The following FCER1G variants were observed in gnomAD, a reference collection of about 807,000 sequenced individuals.
FCER1G encodes the protein Fc epsilon receptor Ig, also known as high affinity immunoglobulin epsilon receptor subunit gamma.
Under a neutral mutation model 17.3 loss-of-function variants are expected in FCER1G, and 7 were observed. That is an observed-to-expected ratio of 0.40 (90% CI 0.23 to 0.76). The LOEUF (loss-of-function observed/expected upper bound fraction) is 0.76, where lower values mean the gene tolerates loss of function less well. Among genes scored for constraint, FCER1G ranks in the 30% least tolerant of loss-of-function variants. FCER1G has a pLI of 0.35. For missense variants in FCER1G, 87 were observed against 97.7 expected (o/e 0.89, Z 0.46); for synonymous variants, 35 against 38.7 (o/e 0.90, Z 0.35).
chr1:161,218,158 A>C, intron 2 of FCER1G, 81 bp downstream of exon 2: 1 of 1,537,498 alleles, frequency 6.5e-7, no homozygotes, highest in Non-Finnish European at 9.0e-7. Context: ...AGAAGGAATA[A>C]AAGGGGATCC....
At chr1:161,217,434 A>G (rs1206538436) in intron 1 of FCER1G, among the ~76,000 whole-genome samples, 1 of 139,346 alleles carries the variant, frequency 7.2e-6, no homozygotes, top group Non-Finnish European at 1.5e-5. Flanking sequence ...TTGTGGTGGG[A>G]CAGAAAGCAA....
chr1:161,215,470 C>G, intron 1 of FCER1G, 100 bp downstream of exon 1: 1 of 1,082,290 alleles, frequency 9.2e-7, no homozygotes, highest in Non-Finnish European at 1.4e-6. Flanking sequence ...GGAAGGCTGA[C>G]AGTGGGTAGG....
chr1:161,215,992 T>G (rs887267457), intron 1 of FCER1G, among the ~76,000 whole-genome samples: 7 of 152,124 alleles, frequency 4.6e-5, no homozygotes, highest in Non-Finnish European at 1.0e-4. Flanking sequence ...CCCAAAGTGC[T>G]ACTGTGCCTG....
At chr1:161,215,739 C>A (rs1202739232) in intron 1 of FCER1G, among the ~76,000 whole-genome samples, 1 of 151,996 alleles carries the variant, frequency 6.6e-6, no homozygotes, top group Non-Finnish European at 1.5e-5. Context: ...ACTACAGGTG[C>A]CCGCCACCAC....
chr1:161,218,285 C>T lies in FCER1G; in HGVS notation c.177+9C>T, dbSNP rs750034496. 1 of 1,611,246 alleles carries T rather than the reference C, an allele frequency of 6.2e-7. No individual in the cohort carries two copies. The highest frequency in any genetic ancestry group is 8.5e-7 in the Non-Finnish European group (1 of 1,177,426). On this transcript the variant is annotated intron_variant, in intron 3 of 4. Coordinates refer to ENST00000289902, the MANE Select transcript of FCER1G (RefSeq NM_004106.2). Reference sequence around the variant, plus strand: ...CTATAACCAGCTATGAGGTATGGACCCTCCTACACCTGGTGTGGACAACTT... The same window carrying T: ...CTATAACCAGCTATGAGGTATGGACTCTCCTACACCTGGTGTGGACAACTT...
intron 3 of FCER1G, 123 bp downstream of exon 3, chr1:161,218,399 C>A: frequency 2.5e-6 from 2 of 809,948 alleles, no homozygotes; most frequent in Non-Finnish European, 4.3e-6. Flanking sequence ...GCATACACCT[C>A]AGAGGCCTCC....
At chr1:161,215,657 A>G (rs570892144) in intron 1 of FCER1G, among the ~76,000 whole-genome samples, 3 of 152,108 alleles carry the variant, frequency 2.0e-5, no homozygotes, top group Admixed American at 2.0e-4. Flanking sequence ...CAGTGGCGCA[A>G]TCTCTACTCA....
chr1:161,217,123 T>C (rs1666068174), intron 1 of FCER1G, among the ~76,000 whole-genome samples: 1 of 152,098 alleles, frequency 6.6e-6, no homozygotes, highest in East Asian at 1.9e-4. Context: ...TGTTGCAGAA[T>C]AAAAAGTACT....
Position 161,218,707 on chromosome 1 carries a change from C to T in FCER1G, c.182C>T (p.Ser61Leu). The change falls in exon 4 of 5, where the codon TCA becomes TTA. Residue 61 changes from serine to leucine, a missense_variant. By Grantham distance (145) the Ser-to-Leu change is moderately radical (BLOSUM62 -2). Coordinates refer to ENST00000289902, the MANE Select transcript of FCER1G (RefSeq NM_004106.2). Reference protein sequence around the residue: ...RKAAITSYEKSDGVYTGLSTR... With the variant: ...RKAAITSYEKLDGVYTGLSTR... ...TTGCTTCTTTTGTCTCTGCAGAAATCAGATGGTGTTTACACGGTAAGTGTG... is the reference window on the plus strand; with the variant it reads ...TTGCTTCTTTTGTCTCTGCAGAAATTAGATGGTGTTTACACGGTAAGTGTG... The T allele has an allele frequency of 6.2e-7, 1 of 1,614,034 alleles. No homozygotes were observed. Among genetic ancestry groups the T allele is most frequent in the Non-Finnish European group, 8.5e-7 (1 of 1,179,966 alleles).
chr1:161,218,803 G>T, intron 4 of FCER1G, 78 bp from the exon 5 acceptor site: 3 of 1,586,422 alleles, frequency 1.9e-6, no homozygotes, highest in Non-Finnish European at 2.6e-6. Context: ...GGCCGGTGGG[G>T]GGAGGGGGGT....
At position 161,217,986 on chromosome 1, in the gene FCER1G, C is replaced by T. The variant is rs1457965574; in HGVS notation, c.50C>T (p.Ala17Val). 6.2e-6 allele frequency: 10 copies of T among 1,609,780 alleles called. No homozygotes were observed. Among genetic ancestry groups the T allele is most frequent in the African/African-American group, 1.3e-5 (1 of 74,822 alleles). Reference sequence around the variant, plus strand: ...CCATGGGCATCCTCTATCCCCTCAGCGGCCCTGGGAGAGCCTCAGCTCTGC... The same window carrying T: ...CCATGGGCATCCTCTATCCCCTCAGTGGCCCTGGGAGAGCCTCAGCTCTGC... Reference protein sequence around the residue: ...LLLLLLVEQAAALGEPQLCYI... With the variant: ...LLLLLLVEQAVALGEPQLCYI... Residue 17 changes from alanine (A) to valine (V), a missense_variant and splice_region_variant, in exon 2 of 5, where the codon GCG becomes GTG. By Grantham distance (64) the Ala-to-Val change is moderately conservative. Transcript: ENST00000289902.
At chr1:161,218,455 G>A (rs1666094594) in intron 3 of FCER1G, among the ~76,000 whole-genome samples, 179 bp downstream of exon 3, 1 of 152,152 alleles carries the variant, frequency 6.6e-6, no homozygotes, top group African/African-American at 2.4e-5. Context: ...TTCAGCAGGT[G>A]ACAGGGAAGA....
At chr1:161,218,851 T>G (rs1198312349) in intron 4 of FCER1G, 30 bp from the exon 5 acceptor site, 3 of 1,606,604 alleles carry the variant, frequency 1.9e-6, no homozygotes, top group African/African-American at 2.7e-5. Flanking sequence ...GGACTCCAGC[T>G]CCTGATCGCC....
chr1:161,218,341 C>A, intron 3 of FCER1G, 65 bp downstream of exon 3: 4 of 1,427,662 alleles, frequency 2.8e-6, no homozygotes, highest in Non-Finnish European at 4.0e-6. Context: ...GGGGCTCTAG[C>A]CTGGGTTTCC....
Position 161,218,000 on chromosome 1 carries a change from C to A in FCER1G, c.64C>A (p.Pro22Thr), listed in dbSNP as rs147074256. 62 of 1,613,476 alleles carry A rather than the reference C, an allele frequency of 3.8e-5. No homozygotes were observed. In the African/African-American group the frequency reaches 8.1e-4, roughly 21 times the overall value. The change falls in exon 2 of 5, where the codon CCT becomes ACT. Residue 22 changes from proline (P) to threonine (T), a missense_variant. By Grantham distance (38) the Pro-to-Thr change is conservative. Coordinates refer to ENST00000289902, the MANE Select transcript of FCER1G (RefSeq NM_004106.2). The part of the protein sequence containing the change: ...LVEQAAALGE[P>T]QLCYILDAIL... ...TATCCCCTCAGCGGCCCTGGGAGAG[C>A]CTCAGCTCTGCTATATCCTGGATGC...
At chr1:161,215,505 A>C in intron 1 of FCER1G, 135 bp downstream of exon 1, 4 of 779,270 alleles carry the variant, frequency 5.1e-6, no homozygotes, top group Non-Finnish European at 9.3e-6. Flanking sequence ...CCCTGAGGCT[A>C]GTCCTCTCCA....
At chr1:161,218,833 C>G (rs985168949) in intron 4 of FCER1G, 48 bp from the exon 5 acceptor site, 13 of 1,581,904 alleles carry the variant, frequency 8.2e-6, no homozygotes, top group Non-Finnish European at 1.0e-5. Flanking sequence ...GTGGGAGGGG[C>G]CTCTGATGGA....
chr1:161,218,544 T>G (rs969927542), intron 3 of FCER1G, among the ~76,000 whole-genome samples, 159 bp from the exon 4 acceptor site: 1 of 152,190 alleles, frequency 6.6e-6, no homozygotes, highest in African/African-American at 2.4e-5. Context: ...TGTAGCCATG[T>G]GGGCAAACAG....
chr1:161,217,665 T>A (rs925540717), intron 1 of FCER1G, among the ~76,000 whole-genome samples: 2 of 151,968 alleles, frequency 1.3e-5, no homozygotes, highest in Non-Finnish European at 2.9e-5. Flanking sequence ...TCCCTTGAGG[T>A]GGATAAAGTG....
Sources: allele counts gnomAD v4.1 joint callset (sites outside exome capture counted in the v4.1 genomes callset), GRCh38; gene constraint gnomAD v4.1.1; transcripts MANE v1.5; gene names NCBI Gene and HGNC (gene_info 2026-07-23, HGNC 2026-07-21).